GALNT13: variants seen among roughly 807,000 people sequenced by gnomAD.
The protein encoded by GALNT13 is UDP-GalNAc:polypeptide N-acetylgalactosaminyltransferase 13.
A neutral mutation model predicts 64.2 loss-of-function variants in GALNT13; 28 were observed. That is an observed-to-expected ratio of 0.44 (90% CI 0.32 to 0.60). The LOEUF (loss-of-function observed/expected upper bound fraction) is 0.60. GALNT13 is among the 20% of genes least tolerant of loss of function. GALNT13 has a pLI of 0.05. For missense variants in GALNT13, 577 were observed against 669.8 expected (o/e 0.86, Z 1.53); for synonymous variants, 214 against 224.6 (o/e 0.95, Z 0.42).
chr2:153,566,203 C>G, the GALNT13 span, among the ~76,000 whole-genome samples: 1 of 152,012 alleles, frequency 6.6e-6, no homozygotes, highest in Non-Finnish European at 1.5e-5. Flanking sequence ...GATTCTGGAG[C>G]TCTTATGATA....
At chr2:153,722,874 T>C in the GALNT13 span, among the ~76,000 whole-genome samples, 325 of 150,564 alleles carry the variant, frequency 2.2e-3, 3 homozygotes, top group Middle Eastern at 6.9e-3. Flanking sequence ...CTACCAGAGG[T>C]ACAAGGAGGA....
At chr2:154,185,660 A>G (rs1240731278) in intron 4 of GALNT13, among the ~76,000 whole-genome samples, 1 of 151,862 alleles carries the variant, frequency 6.6e-6, no homozygotes, top group Non-Finnish European at 1.5e-5. Flanking sequence ...TTCAGTTCAG[A>G]CATTATATTT....
Position 154,302,685 on chromosome 2 carries a change from G to A in GALNT13, c.1156+1096G>A, listed in dbSNP as rs528991706. Among the ~76,000 whole-genome samples, 17 of 152,284 alleles carry A rather than the reference G, an allele frequency of 1.1e-4. No homozygotes were observed. The East Asian group carries it at 3.3e-3, about 29-fold the overall frequency. ...TGTTACACATTTTAGAGAGACATAAGACACATCAGTGAACTCATATGAGGG... is the reference window on the plus strand; with the variant it reads ...TGTTACACATTTTAGAGAGACATAAAACACATCAGTGAACTCATATGAGGG... On this transcript the variant is annotated intron_variant, in intron 9 of 12. Transcript: ENST00000392825.
chr2:153,645,386 T>C, the GALNT13 span, among the ~76,000 whole-genome samples: 1 of 152,300 alleles, frequency 6.6e-6, no homozygotes, highest in East Asian at 1.9e-4. Context: ...TTTTTCTGTA[T>C]ACATTTAACT....
At chr2:153,841,529 A>G in the GALNT13 span, among the ~76,000 whole-genome samples, 1 of 152,194 alleles carries the variant, frequency 6.6e-6, no homozygotes, top group Non-Finnish European at 1.5e-5. Flanking sequence ...ATGAATTAAC[A>G]GAAAAGAAAA....
the GALNT13 span, among the ~76,000 whole-genome samples, chr2:153,336,849 C>T: frequency 3.3e-5 from 5 of 152,112 alleles, no homozygotes; most frequent in South Asian, 1.0e-3. Context: ...CCCAGAATTC[C>T]CATGTATTGT....
At chr2:153,087,480 A>T in the GALNT13 span, among the ~76,000 whole-genome samples, 1 of 152,192 alleles carries the variant, frequency 6.6e-6, no homozygotes, top group Admixed American at 6.5e-5. Flanking sequence ...TATTAGGGTG[A>T]TAATGGCTTC....
the GALNT13 span, among the ~76,000 whole-genome samples, chr2:153,486,923 G>C: frequency 6.6e-6 from 1 of 152,142 alleles, no homozygotes; most frequent in African/African-American, 2.4e-5. Context: ...AGAAACAAGA[G>C]TTGCACCAGC....
At chr2:153,311,929 A>G in the GALNT13 span, among the ~76,000 whole-genome samples, 7 of 152,360 alleles carry the variant, frequency 4.6e-5, no homozygotes, top group South Asian at 1.5e-3. Flanking sequence ...CTGTAAATGG[A>G]TAAGGTAAGA....
chr2:153,424,368 T>C, the GALNT13 span, among the ~76,000 whole-genome samples: 2 of 151,784 alleles, frequency 1.3e-5, no homozygotes, highest in East Asian at 3.9e-4. Context: ...TCTGGATATA[T>C]AGAAGATATT....
At chr2:153,912,344 C>T (rs1689000970) in intron 2 of GALNT13, among the ~76,000 whole-genome samples, 1 of 152,070 alleles carries the variant, frequency 6.6e-6, no homozygotes, top group Admixed American at 6.6e-5. Context: ...GATTGGGTTT[C>T]AGTGTTTTCA....
At chr2:153,724,578 G>C in the GALNT13 span, among the ~76,000 whole-genome samples, 1 of 109,898 alleles carries the variant, frequency 9.1e-6, no homozygotes, top group Non-Finnish European at 1.7e-5. Context: ...CTAATATCCA[G>C]AATCTACAAT....
At chr2:154,329,492 T>G (rs896468127) in intron 9 of GALNT13, among the ~76,000 whole-genome samples, 3 of 152,198 alleles carry the variant, frequency 2.0e-5, no homozygotes, top group Non-Finnish European at 4.4e-5. Context: ...ATCAGTGTTT[T>G]GTGCTTTGCT....
chr2:153,135,344 T>C, the GALNT13 span, among the ~76,000 whole-genome samples: 2 of 152,152 alleles, frequency 1.3e-5, no homozygotes, highest in Non-Finnish European at 2.9e-5. Context: ...ATTCAGTCCA[T>C]AGCACTTATT....
the GALNT13 span, among the ~76,000 whole-genome samples, chr2:153,632,259 A>G: frequency 6.6e-6 from 1 of 152,214 alleles, no homozygotes; most frequent in East Asian, 1.9e-4. Flanking sequence ...CAGAAAGTAC[A>G]GAGTTCCCAT....
chr2:153,374,459 T>C, the GALNT13 span, among the ~76,000 whole-genome samples: 1 of 152,168 alleles, frequency 6.6e-6, no homozygotes, highest in Admixed American at 6.6e-5. Flanking sequence ...AGGGATTCTT[T>C]ATATATTTTG....
intron 4 of GALNT13, among the ~76,000 whole-genome samples, chr2:154,222,857 C>T (rs1688390322): frequency 6.6e-6 from 1 of 152,026 alleles, no homozygotes; most frequent in South Asian, 2.1e-4. Flanking sequence ...TTGGTGTCAA[C>T]AAAAGAGAGA....
chr2:153,617,982 T>C, the GALNT13 span, among the ~76,000 whole-genome samples: 1 of 152,064 alleles, frequency 6.6e-6, no homozygotes, highest in East Asian at 1.9e-4. Flanking sequence ...AAACAACTTT[T>C]TGTTTCATTA....
At chr2:153,643,038 GT>G in the GALNT13 span, among the ~76,000 whole-genome samples, 7 of 151,398 alleles carry the variant, frequency 4.6e-5, no homozygotes, top group Admixed American at 1.3e-4. Context: ...AATCTGTGAG[GT>G]GTAGTAGCTT....
Sources: allele counts gnomAD v4.1 joint callset (sites outside exome capture counted in the v4.1 genomes callset), GRCh38; gene constraint gnomAD v4.1.1; transcripts MANE v1.5; gene names NCBI Gene and HGNC (gene_info 2026-07-23, HGNC 2026-07-21).